PTPRM: variants seen among roughly 807,000 people sequenced by gnomAD.
PTPRM encodes the protein receptor-type tyrosine-protein phosphatase mu.
In PTPRM, 47 loss-of-function variants were observed where a neutral mutation model predicts 186.7. The observed-to-expected ratio is 0.25, with a 90% CI of 0.20 to 0.32. The LOEUF (loss-of-function observed/expected upper bound fraction) is 0.32. Ranked by LOEUF, PTPRM falls within the 10% of genes least tolerant of loss-of-function variation. The pLI is 1.00. For synonymous variants in PTPRM, 668 were observed against 674.9 expected, an observed-to-expected ratio of 0.99 and a Z score of 0.16; for missense variants, 1,494 against 1,865.0, an observed-to-expected ratio of 0.80 and a Z score of 3.66.
At chr18:7,679,441 G>T (rs900188550) in intron 1 of PTPRM, among the ~76,000 whole-genome samples, 2 of 151,900 alleles carry the variant, frequency 1.3e-5, no homozygotes, top group Admixed American at 6.6e-5. Context: ...GAGGCAAGTG[G>T]ATCACTTAAG....
chr18:8,247,591 G>A lies in PTPRM; in HGVS notation c.2453-254G>A, dbSNP rs112598095. Among the ~76,000 whole-genome samples, 1,173 of 152,264 alleles carry A rather than the reference G, an allele frequency of 7.7e-3. 12 individuals are homozygous for A. The highest frequency in any genetic ancestry group is 0.027 in the African/African-American group (1,118 of 41,548). On this transcript the variant is annotated intron_variant, in intron 15 of 32. Coordinates refer to ENST00000580170, the MANE Select transcript of PTPRM (RefSeq NM_001105244.2). ...CTGATGAATTTCTCTATCCAAAATG[G>A]TGGCTGTGGTTGTGGGCTTTCTCTT...
chr18:7,653,391 T>C (rs895720877), intron 1 of PTPRM, among the ~76,000 whole-genome samples: 2 of 152,046 alleles, frequency 1.3e-5, no homozygotes, highest in African/African-American at 4.8e-5. Context: ...GTCATGAAGG[T>C]TTGTTGTACA....
At chr18:8,353,688 A>G (rs561133001) in intron 23 of PTPRM, among the ~76,000 whole-genome samples, 34 of 151,828 alleles carry the variant, frequency 2.2e-4, no homozygotes, top group African/African-American at 8.0e-4. Context: ...AGGAGAGGCA[A>G]TGTGTTTCAT....
chr18:7,666,189 T>C (rs1467366618), intron 1 of PTPRM, among the ~76,000 whole-genome samples: 1 of 152,214 alleles, frequency 6.6e-6, no homozygotes, highest in African/African-American at 2.4e-5. Flanking sequence ...GTGAAGATTT[T>C]CCCCTTTAAT....
intron 11 of PTPRM, among the ~76,000 whole-genome samples, chr18:8,109,894 T>C (rs2091683555): frequency 6.6e-6 from 1 of 152,212 alleles, no homozygotes; most frequent in African/African-American, 2.4e-5. Context: ...TATTTAATTG[T>C]GGGTTATCCA....
At chr18:8,228,571 G>C (rs904418731) in intron 14 of PTPRM, among the ~76,000 whole-genome samples, 2 of 151,884 alleles carry the variant, frequency 1.3e-5, no homozygotes, top group African/African-American at 4.8e-5. Flanking sequence ...GGCTGGGTGT[G>C]GTGGCTCACA....
At chr18:7,842,930 G>GTA (rs1555616949) in intron 2 of PTPRM, among the ~76,000 whole-genome samples, 2,198 of 100,728 alleles carry the variant, frequency 0.022, 46 homozygotes, top group East Asian at 0.053. Context: ...GTGTGTGTGT[G>GTA]TATATATATA....
chr18:7,576,844 A>G (rs2036700597), intron 1 of PTPRM, among the ~76,000 whole-genome samples: 1 of 152,224 alleles, frequency 6.6e-6, no homozygotes. Flanking sequence ...ACATCATGTA[A>G]TAAGCACATG....
chr18:8,372,415 TG>T (rs1287812483), intron 24 of PTPRM, among the ~76,000 whole-genome samples: 1 of 152,174 alleles, frequency 6.6e-6, no homozygotes, highest in Admixed American at 6.5e-5. Context: ...GCTTTTTAGA[TG>T]AACAAGACCA....
At position 8,384,564 on chromosome 18, in the gene PTPRM, T is replaced by C; in HGVS notation, c.3922T>C (p.Cys1308Arg). 1 of 1,614,166 alleles carries C rather than the reference T, an allele frequency of 6.2e-7. No homozygotes were observed. Among genetic ancestry groups the C allele is most frequent in the Non-Finnish European group, 8.5e-7 (1 of 1,180,014 alleles). The change falls in exon 30 of 33, where the codon TGT becomes CGT. Residue 1308 changes from cysteine (C) to arginine (R), a missense_variant. This residue lies in a region of PTPRM where 1,107 missense variants were observed against 1,350.2 expected (regional missense o/e 0.82). Transcript: ENST00000580170. ...MLNDVDPAQL[C>R]PQYWPENGVH... ...TGTTTATATGTTTTGAATTCAGTTG[T>C]GTCCACAGTACTGGCCAGAAAACGG...
At chr18:7,765,060 ATAAT>A (rs1274628963) in intron 1 of PTPRM, among the ~76,000 whole-genome samples, 2 of 152,200 alleles carry the variant, frequency 1.3e-5, no homozygotes, top group East Asian at 3.8e-4. Context: ...CAAGTTCCTA[ATAAT>A]TTGGTTGCAT....
chr18:7,653,120 TA>T (rs2038759614), intron 1 of PTPRM, among the ~76,000 whole-genome samples: 1 of 53,172 alleles, frequency 1.9e-5, no homozygotes, highest in African/African-American at 2.5e-4. Flanking sequence ...CTATGTACTT[TA>T]TTATTATTAT....
At chr18:7,905,329 G>C (rs2049924318) in intron 3 of PTPRM, among the ~76,000 whole-genome samples, 1 of 152,100 alleles carries the variant, frequency 6.6e-6, no homozygotes. Context: ...TCTCTGAAGT[G>C]GCTCCACCAT....
At chr18:7,594,215 C>T (rs2037196088) in intron 1 of PTPRM, among the ~76,000 whole-genome samples, 1 of 152,010 alleles carries the variant, frequency 6.6e-6, no homozygotes, top group Non-Finnish European at 1.5e-5. Context: ...GAAAATTGTC[C>T]AGGCGTGGTG....
At chr18:7,773,570 G>GT (rs10708698) in intron 1 of PTPRM, among the ~76,000 whole-genome samples, 439 of 129,054 alleles carry the variant, frequency 3.4e-3, no homozygotes, top group Middle Eastern at 4.3e-3. Flanking sequence ...TCTTTTCTTT[G>GT]TTTTTTTTTT....
intron 19 of PTPRM, among the ~76,000 whole-genome samples, chr18:8,283,437 A>G (rs1181718441): frequency 6.6e-6 from 1 of 152,224 alleles, no homozygotes; most frequent in Non-Finnish European, 1.5e-5. Flanking sequence ...GTTAACCTTC[A>G]GTTTGAAAGA....
At chr18:7,731,331 A>G (rs1302519894) in intron 1 of PTPRM, among the ~76,000 whole-genome samples, 1 of 152,242 alleles carries the variant, frequency 6.6e-6, no homozygotes, top group Non-Finnish European at 1.5e-5. Context: ...AAGTATTCTT[A>G]GGATGCAATG....
chr18:7,863,531 A>C (rs2146084264), intron 2 of PTPRM, among the ~76,000 whole-genome samples: 1 of 152,190 alleles, frequency 6.6e-6, no homozygotes, highest in Non-Finnish European at 1.5e-5. Flanking sequence ...ACATGAACTC[A>C]TCCTTTTTTA....
intron 7 of PTPRM, among the ~76,000 whole-genome samples, chr18:7,994,561 T>G (rs2083436546): frequency 1.3e-5 from 2 of 152,168 alleles, no homozygotes. Flanking sequence ...TTCTCCAGGT[T>G]ACACTATATG....
Sources: allele counts gnomAD v4.1 joint callset (sites outside exome capture counted in the v4.1 genomes callset), GRCh38; gene constraint gnomAD v4.1.1; regional missense constraint gnomAD v4.1.1; transcripts MANE v1.5; gene names NCBI Gene and HGNC (gene_info 2026-07-23, HGNC 2026-07-21).